CNTNAP2: variants seen among roughly 807,000 people sequenced by gnomAD.
CNTNAP2 encodes the protein contactin associated protein 2.
In CNTNAP2, 98 loss-of-function variants were observed where a neutral mutation model predicts 155.2. The ratio of observed to expected loss-of-function variants is 0.63; its 90% confidence interval spans 0.54 to 0.75. The LOEUF is 0.75. CNTNAP2 is among the 30% of genes least tolerant of loss of function. The pLI, the probability that CNTNAP2 is intolerant of heterozygous loss-of-function variation, is 0.00. For synonymous variants in CNTNAP2, 651 were observed against 631.2 expected, an observed-to-expected ratio of 1.03 and a Z score of -0.47; for missense variants, 1,727 against 1,688.1, an observed-to-expected ratio of 1.02 and a Z score of -0.40.
At chr7:147,367,268 A>T (rs1306245374) in intron 9 of CNTNAP2, among the ~76,000 whole-genome samples, 1 of 152,172 alleles carries the variant, frequency 6.6e-6, no homozygotes, top group East Asian at 1.9e-4. Context: ...TATTGGAGGG[A>T]ATTCCGAGTT....
intron 15 of CNTNAP2, among the ~76,000 whole-genome samples, chr7:148,113,422 G>A (rs564231864): frequency 3.9e-5 from 6 of 152,184 alleles, no homozygotes; most frequent in South Asian, 4.2e-4. Context: ...ATGAGAAACC[G>A]CCCCCAGGAT....
At chr7:146,970,608 T>G (rs1175313636) in intron 3 of CNTNAP2, among the ~76,000 whole-genome samples, 1 of 152,004 alleles carries the variant, frequency 6.6e-6, no homozygotes, top group Non-Finnish European at 1.5e-5. Context: ...TTTACACTGT[T>G]GGTGGGACTG....
At chr7:148,246,591 G>GAGAT (rs1554407295) in intron 20 of CNTNAP2, among the ~76,000 whole-genome samples, 3 of 151,840 alleles carry the variant, frequency 2.0e-5, no homozygotes, top group Non-Finnish European at 4.4e-5. Flanking sequence ...ATAAAACTAG[G>GAGAT]AGACCAGCCA....
chr7:148,170,557 C>A (rs983657731), intron 17 of CNTNAP2, among the ~76,000 whole-genome samples: 6 of 152,164 alleles, frequency 3.9e-5, no homozygotes, highest in African/African-American at 9.7e-5. Context: ...TCTCTCATAG[C>A]TTTGATCAAA....
intron 1 of CNTNAP2, among the ~76,000 whole-genome samples, chr7:146,308,444 G>C (rs192209654): frequency 3.9e-5 from 6 of 152,224 alleles, no homozygotes; most frequent in Non-Finnish European, 7.4e-5. Flanking sequence ...TCTAGAACTA[G>C]AAATACCATT....
intron 19 of CNTNAP2, among the ~76,000 whole-genome samples, chr7:148,220,190 C>T (rs543813562): frequency 4.6e-5 from 7 of 152,180 alleles, no homozygotes; most frequent in Non-Finnish European, 1.0e-4. Context: ...GCAAGCTCTG[C>T]CTTCCAGGTT....
At chr7:147,962,324 C>A (rs1047453685) in intron 14 of CNTNAP2, among the ~76,000 whole-genome samples, 7 of 152,300 alleles carry the variant, frequency 4.6e-5, no homozygotes, top group Admixed American at 4.6e-4. Flanking sequence ...GAATGTTAGT[C>A]TATGTGCTTT....
intron 21 of CNTNAP2, among the ~76,000 whole-genome samples, chr7:148,330,614 ATGGACACATGGAGTGGACGGACGGAG>A (rs2116556794): frequency 7.7e-6 from 1 of 130,596 alleles, no homozygotes; most frequent in East Asian, 5.8e-4. Flanking sequence ...GACGGATGGA[ATGGACACATGGAGTGGACGGACGGAG>A]TGGACGGATG....
intron 8 of CNTNAP2, among the ~76,000 whole-genome samples, chr7:147,296,772 G>T (rs1805455800): frequency 6.6e-6 from 1 of 152,092 alleles, no homozygotes; most frequent in African/African-American, 2.4e-5. Context: ...ACAAGTTGGG[G>T]TGGAAAGCCA....
In CNTNAP2 at chr7:147,444,228, T is replaced by C. The variant is rs1191416322; in HGVS notation, c.1671-41707T>C. Reference sequence around the variant, plus strand: ...ACATAGCAGTCATTAACCTTATCGCTTTTCCAACAAAGAAAAACTGTGTAA... The same window carrying C: ...ACATAGCAGTCATTAACCTTATCGCCTTTCCAACAAAGAAAAACTGTGTAA... On this transcript the variant is annotated intron_variant, in intron 10 of 23. Transcript: ENST00000361727. Among the ~76,000 whole-genome samples, 6 of 152,186 alleles carry C rather than the reference T, an allele frequency of 3.9e-5. No homozygotes were observed. The East Asian group carries it at 1.2e-3, about 29-fold the overall frequency.
intron 1 of CNTNAP2, among the ~76,000 whole-genome samples, chr7:146,331,145 A>C (rs1801178838): frequency 6.6e-6 from 1 of 151,942 alleles, no homozygotes. Flanking sequence ...TCTACTAAAA[A>C]TACAAAAAAT....
rs903427982 is a variant in CNTNAP2 at position 147,365,394 on chromosome 7, A to C, written c.1499-30215A>C. 1.7e-3 allele frequency among the ~76,000 whole-genome samples: 249 copies of C among 149,568 alleles called. 3 individuals carry two copies. Among genetic ancestry groups the C allele is most frequent in the African/African-American group, 5.4e-3 (217 of 40,024 alleles). ...CTCTATCTCAAAAAGAAAAAAAAAAAAAAAAAAAAAAAAACAAAGAAACTT... is the reference window on the plus strand; with the variant it reads ...CTCTATCTCAAAAAGAAAAAAAAAACAAAAAAAAAAAAAACAAAGAAACTT... On this transcript the variant is annotated intron_variant, in intron 9 of 23. Transcript: ENST00000361727.
At chr7:148,012,987 T>C (rs936583969) in intron 15 of CNTNAP2, among the ~76,000 whole-genome samples, 2 of 152,192 alleles carry the variant, frequency 1.3e-5, no homozygotes, top group Admixed American at 6.5e-5. Context: ...AAACTGTTAG[T>C]TTAAATTTGC....
At chr7:147,671,649 C>A (rs536978204) in intron 13 of CNTNAP2, 1 of 152,210 alleles carries the variant, frequency 6.6e-6, no homozygotes, top group Non-Finnish European at 1.5e-5. Flanking sequence ...ATAGAGCATG[C>A]GTATTTGCTG....
intron 1 of CNTNAP2, among the ~76,000 whole-genome samples, chr7:146,562,295 A>AT (rs1188351002): frequency 6.6e-6 from 1 of 152,064 alleles, no homozygotes; most frequent in Non-Finnish European, 1.5e-5. Context: ...TTTTACTTAT[A>AT]TTTTTAAAAA....
intron 13 of CNTNAP2, among the ~76,000 whole-genome samples, chr7:147,793,136 G>A (rs1470086274): frequency 6.6e-6 from 1 of 151,902 alleles, no homozygotes; most frequent in Non-Finnish European, 1.5e-5. Context: ...TCTGTGTGTT[G>A]TCTTTTTACA....
intron 15 of CNTNAP2, among the ~76,000 whole-genome samples, chr7:148,064,816 C>A (rs540319966): frequency 1.6e-4 from 24 of 151,214 alleles, no homozygotes; most frequent in African/African-American, 5.3e-4. Flanking sequence ...TTTGTTATTT[C>A]TTTTCTTCTG....
chr7:146,856,612 A>C (rs891102432), intron 3 of CNTNAP2, among the ~76,000 whole-genome samples: 5 of 152,156 alleles, frequency 3.3e-5, no homozygotes, highest in Non-Finnish European at 5.9e-5. Flanking sequence ...GAAATGAATA[A>C]TATTTACACA....
At chr7:147,385,811 T>TA (rs968325745) in intron 9 of CNTNAP2, among the ~76,000 whole-genome samples, 2 of 152,198 alleles carry the variant, frequency 1.3e-5, no homozygotes, top group African/African-American at 2.4e-5. Context: ...ACAGCTCCAC[T>TA]AGGCAGTGCC....
Sources: gnomAD v4.1 joint callset for allele counts (sites outside exome capture counted in the v4.1 genomes callset) on GRCh38, gnomAD v4.1.1 for gene constraint, MANE v1.5 for transcripts, NCBI Gene and HGNC (gene_info 2026-07-23, HGNC 2026-07-21) for gene names.